SDK1: variants seen among roughly 807,000 people sequenced by gnomAD.
The protein encoded by SDK1 is protein sidekick-1.
Under a neutral mutation model 245.5 loss-of-function variants are expected in SDK1, and 157 were observed. The ratio of observed to expected loss-of-function variants is 0.64; its 90% CI spans 0.56 to 0.73. The LOEUF (loss-of-function observed/expected upper bound fraction) is 0.73. Ranked by LOEUF, SDK1 falls within the 30% of genes least tolerant of loss-of-function variation. The pLI, the probability that SDK1 is intolerant of heterozygous loss-of-function variation, is 0.00. For synonymous variants in SDK1, 1,647 were observed against 1,278.5 expected (o/e 1.29, Z -6.15); for missense variants, 3,583 against 3,002.3 (o/e 1.19, Z -4.52).
intron 5 of SDK1, among the ~76,000 whole-genome samples, chr7:3,896,368 T>C (rs1396771857): frequency 1.3e-5 from 2 of 152,220 alleles, no homozygotes; most frequent in Non-Finnish European, 2.9e-5. Flanking sequence ...CCTGGCCTTG[T>C]GTGGGCTGTC....
At chr7:3,302,379 A>T (rs1779296400) in intron 1 of SDK1, 1 of 151,912 alleles carries the variant, frequency 6.6e-6, no homozygotes, top group Non-Finnish European at 1.5e-5. Context: ...GACTCCCCCA[A>T]GTCCCAAAGC....
chr7:4,149,371 C>T lies in SDK1; in HGVS notation c.4533C>T (p.Tyr1511=), dbSNP rs1364429636. The part of the protein sequence containing the change: ...PGSDGASPIR[Y]FTMQVRELPR... ...GCGACGGGGCCTCCCCCATCCGGTA[C>T]TTCACCATGCAGGTGCGAGAGCTGC... is the stretch of plus-strand genomic sequence containing the variant. Residue 1511 remains tyrosine, a synonymous_variant, in exon 30 of 45, where the codon TAC becomes TAT. Coordinates refer to ENST00000404826, the MANE Select transcript of SDK1 (RefSeq NM_152744.4). 1 of 1,592,626 alleles carries T rather than the reference C, an allele frequency of 6.3e-7. No homozygotes were observed. Among genetic ancestry groups the T allele is most frequent in the African/African-American group, 1.4e-5 (1 of 73,978 alleles).
chr7:3,343,215 C>T (rs1049143148), intron 1 of SDK1, among the ~76,000 whole-genome samples: 1 of 152,142 alleles, frequency 6.6e-6, no homozygotes, highest in East Asian at 1.9e-4. Context: ...AACCTGTACA[C>T]CAATGCTTAG....
intron 1 of SDK1, among the ~76,000 whole-genome samples, chr7:3,612,745 G>A (rs189817673): frequency 1.4e-4 from 21 of 152,108 alleles, no homozygotes; most frequent in African/African-American, 4.3e-4. Context: ...TGGCAAAAGC[G>A]GAGTTCAGTA....
chr7:4,165,778 C>T, intron 32 of SDK1, among the ~76,000 whole-genome samples: 1 of 151,270 alleles, frequency 6.6e-6, no homozygotes, highest in South Asian at 2.1e-4. Context: ...GAATGAGCCA[C>T]CATGCCCAGC....
In SDK1 at chr7:3,544,899, C is replaced by T. The variant is rs370176394; in HGVS notation, c.299-74181C>T. Among the ~76,000 whole-genome samples the T allele has an allele frequency of 9.2e-5, 14 of 152,164 alleles. No homozygotes were observed. The East Asian group carries it at 2.1e-3, about 23-fold the overall frequency. ...GGAGCAGCTGCCATCTCAGATGCTG[C>T]TGATAGCTGTCAGAGGGAAGCAGTA... On this transcript the variant is annotated intron_variant, in intron 1 of 44. Transcript: ENST00000404826.
chr7:3,932,146 A>T (rs1779998774), intron 5 of SDK1, among the ~76,000 whole-genome samples: 1 of 152,154 alleles, frequency 6.6e-6, no homozygotes, highest in Non-Finnish European at 1.5e-5. Flanking sequence ...TTCATTTTTT[A>T]TTCACCTGCC....
intron 4 of SDK1, among the ~76,000 whole-genome samples, chr7:3,775,980 C>A (rs1047084169): frequency 1.3e-5 from 2 of 152,230 alleles, no homozygotes; most frequent in Non-Finnish European, 2.9e-5. Flanking sequence ...AGTGAATCTT[C>A]CACCAGTCCC....
intron 4 of SDK1, among the ~76,000 whole-genome samples, chr7:3,651,076 A>G (rs1317400889): frequency 6.6e-6 from 1 of 151,250 alleles, no homozygotes; most frequent in Non-Finnish European, 1.5e-5. Context: ...TCATACACAC[A>G]CATGCCCAGG....
chr7:3,332,312 C>G (rs1226815494), intron 1 of SDK1, among the ~76,000 whole-genome samples: 1 of 152,058 alleles, frequency 6.6e-6, no homozygotes, highest in Non-Finnish European at 1.5e-5. Flanking sequence ...CAAATTAATC[C>G]TAGCAGGGCT....
chr7:4,138,968 G>A (rs1335015267), intron 28 of SDK1, among the ~76,000 whole-genome samples: 1 of 152,196 alleles, frequency 6.6e-6, no homozygotes, highest in Non-Finnish European at 1.5e-5. Context: ...GCTAGGTTTT[G>A]AGGACTGGGC....
intron 1 of SDK1, among the ~76,000 whole-genome samples, chr7:3,407,243 C>A (rs1779079975): frequency 6.6e-6 from 1 of 152,194 alleles, no homozygotes; most frequent in Non-Finnish European, 1.5e-5. Context: ...TCATAGATCC[C>A]AGCAGGAATT....
At chr7:3,784,887 G>A (rs533603410) in intron 4 of SDK1, among the ~76,000 whole-genome samples, 1 of 152,290 alleles carries the variant, frequency 6.6e-6, no homozygotes, top group African/African-American at 2.4e-5. Context: ...TCAGTGTGTT[G>A]AAGACGTGTG....
intron 1 of SDK1, among the ~76,000 whole-genome samples, chr7:3,578,913 A>G (rs1358131498): frequency 6.6e-6 from 1 of 151,994 alleles, no homozygotes; most frequent in Non-Finnish European, 1.5e-5. Flanking sequence ...CTGAGGTGAC[A>G]TACATCCTCA....
At chr7:3,323,149 C>T (rs1462096807) in intron 1 of SDK1, among the ~76,000 whole-genome samples, 1 of 152,054 alleles carries the variant, frequency 6.6e-6, no homozygotes, top group East Asian at 1.9e-4. Context: ...GATGCTGTCT[C>T]CTAGCCCCCT....
At chr7:4,024,500 G>A (rs1162927795) in intron 17 of SDK1, among the ~76,000 whole-genome samples, 1 of 152,194 alleles carries the variant, frequency 6.6e-6, no homozygotes, top group African/African-American at 2.4e-5. Flanking sequence ...ATTCCATTAG[G>A]GGTGGGCTTC....
intron 1 of SDK1, among the ~76,000 whole-genome samples, chr7:3,505,008 T>C (rs1454660838): frequency 2.0e-5 from 3 of 152,166 alleles, no homozygotes; most frequent in African/African-American, 7.2e-5. Flanking sequence ...AAATGCCCAG[T>C]GGTGATACAA....
At chr7:3,652,787 G>T (rs1373991365) in intron 4 of SDK1, among the ~76,000 whole-genome samples, 1 of 152,198 alleles carries the variant, frequency 6.6e-6, no homozygotes, top group Non-Finnish European at 1.5e-5. Context: ...TTCACACAAG[G>T]TTGAAGTGTA....
At chr7:3,352,948 A>T (rs979294850) in intron 1 of SDK1, among the ~76,000 whole-genome samples, 1 of 152,190 alleles carries the variant, frequency 6.6e-6, no homozygotes, top group Non-Finnish European at 1.5e-5. Context: ...CAAGCTCTAC[A>T]TGGGAATACT....
Sources: gnomAD v4.1 joint callset for allele counts (sites outside exome capture counted in the v4.1 genomes callset) on GRCh38, gnomAD v4.1.1 for gene constraint, MANE v1.5 for transcripts, NCBI Gene and HGNC (gene_info 2026-07-23, HGNC 2026-07-21) for gene names.